The following GSE1 variants were observed in gnomAD, a reference collection of about 807,000 sequenced individuals.
GSE1 encodes Gse1 coiled-coil protein.
GSE1 carries 32 observed loss-of-function variants against 112.6 expected under a neutral mutation model. The observed-to-expected ratio is 0.28, with a 90% CI of 0.21 to 0.38. GSE1 has a LOEUF of 0.38. Ranked by LOEUF, GSE1 falls within the 10% of genes least tolerant of loss-of-function variation. The probability of loss-of-function intolerance (pLI) is 1.00; values close to 1 mark genes in which losing one functional copy is unlikely to be tolerated. For missense variants in GSE1, 2,348 were observed against 1,699.2 expected (o/e 1.38, Z -6.71); for synonymous variants, 1,115 against 735.6 (o/e 1.52, Z -8.35).
rs1306036270 is a variant in GSE1, at chr16:85,674,641, A to G, written c.*2102A>G. ...GATGCTTTTGGAAATGGCCTTGGCTAAAGTAAAAGGGAAAAGTAGATCCGA... is the reference window on the plus strand; with the variant it reads ...GATGCTTTTGGAAATGGCCTTGGCTGAAGTAAAAGGGAAAAGTAGATCCGA... On this transcript the variant is annotated 3_prime_UTR_variant, in exon 16 of 16. Transcript: ENST00000253458. 2 of 152,266 alleles carry G rather than the reference A, an allele frequency of 1.3e-5. No individual in the cohort carries two copies. The highest frequency in any genetic ancestry group is 2.9e-5 in the Non-Finnish European group (2 of 68,050). 9.4% of individuals were successfully genotyped at this position (152,266 alleles called of 1,614,324 possible). A position where few individuals can be genotyped will look rare whatever the true frequency, so the allele number is the denominator to read the frequency against.
At chr16:85,301,151 GTGGT>G (rs1381889459) in intron 1 of GSE1, among the ~76,000 whole-genome samples, 1 of 152,216 alleles carries the variant, frequency 6.6e-6, no homozygotes, top group Admixed American at 6.5e-5. Context: ...TGGCGCCGTG[GTGGT>G]CAGTGTCAGG....
chr16:85,217,210 C>T (rs949384939), intron 1 of GSE1, among the ~76,000 whole-genome samples: 1 of 152,182 alleles, frequency 6.6e-6, no homozygotes, highest in South Asian at 2.1e-4. Context: ...CTTGCATAGG[C>T]GCTCAGCAAA....
chr16:85,637,665 T>A (rs2050115844), intron 2 of GSE1, among the ~76,000 whole-genome samples: 1 of 152,240 alleles, frequency 6.6e-6, no homozygotes, highest in South Asian at 2.1e-4. Flanking sequence ...TCCCACGTTG[T>A]AAGTGGCATG....
chr16:85,277,815 A>G (rs1597265689), intron 1 of GSE1, among the ~76,000 whole-genome samples: 2 of 152,288 alleles, frequency 1.3e-5, no homozygotes, highest in Admixed American at 1.3e-4. Flanking sequence ...CCTCTGTGCC[A>G]TCCATGCCTG....
intron 1 of GSE1, among the ~76,000 whole-genome samples, chr16:85,251,436 C>T (rs1217504927): frequency 6.6e-6 from 1 of 152,278 alleles, no homozygotes; most frequent in Admixed American, 6.5e-5. Context: ...GGCTGAGCTG[C>T]AGCACAGTCC....
chr16:85,207,005 C>T (rs1354425937), intron 1 of GSE1, among the ~76,000 whole-genome samples: 2 of 152,176 alleles, frequency 1.3e-5, no homozygotes, highest in South Asian at 2.1e-4. Context: ...GGGCTGGCCT[C>T]GCAGTGACAT....
intron 2 of GSE1, among the ~76,000 whole-genome samples, chr16:85,634,922 C>G (rs1312511115): frequency 6.6e-6 from 1 of 152,020 alleles, no homozygotes; most frequent in African/African-American, 2.4e-5. Flanking sequence ...ATTCTGGCCT[C>G]GGACACCCTC....
At chr16:85,304,237 G>T (rs1452510700) in intron 1 of GSE1, among the ~76,000 whole-genome samples, 1 of 152,226 alleles carries the variant, frequency 6.6e-6, no homozygotes, top group Admixed American at 6.5e-5. Flanking sequence ...CCAGGAAAAG[G>T]AAGGGATCGA....
intron 1 of GSE1, among the ~76,000 whole-genome samples, chr16:85,298,090 G>C (rs189095120): frequency 8.1e-4 from 123 of 152,324 alleles, no homozygotes; most frequent in African/African-American, 2.8e-3. Flanking sequence ...GACACCCAGA[G>C]CTTCTCAAAC....
exon 2 of GSE1, chr16:85,357,538 C>G: frequency 7.8e-7 from 1 of 1,282,062 alleles, no homozygotes; most frequent in Non-Finnish European, 1.0e-6. Context: ...GCCACGCGCC[C>G]CCACGGAGAC....
At chr16:85,382,797 TGC>T (rs1163697425) in intron 2 of GSE1, among the ~76,000 whole-genome samples, 2 of 146,670 alleles carry the variant, frequency 1.4e-5, no homozygotes, top group African/African-American at 5.3e-5. Context: ...ACACAACACA[TGC>T]ACACACACTC....
At chr16:85,529,906 C>G (rs1405456994) in intron 2 of GSE1, among the ~76,000 whole-genome samples, 2 of 152,194 alleles carry the variant, frequency 1.3e-5, no homozygotes, top group Non-Finnish European at 2.9e-5. Context: ...CTGTAGGGCA[C>G]CTTGCTGCAC....
intron 1 of GSE1, among the ~76,000 whole-genome samples, chr16:85,288,999 G>C (rs964778128): frequency 3.3e-5 from 5 of 152,216 alleles, no homozygotes; most frequent in African/African-American, 1.2e-4. Context: ...GCTCTCCTGA[G>C]CCTCGGCCAC....
At chr16:85,173,165 G>A (rs151319620) in intron 1 of GSE1, among the ~76,000 whole-genome samples, 5 of 152,340 alleles carry the variant, frequency 3.3e-5, no homozygotes, top group South Asian at 2.1e-4. Flanking sequence ...ACAAGTTTTG[G>A]AGCAAGACTG....
chr16:85,521,473 C>T (rs540507679), intron 2 of GSE1, among the ~76,000 whole-genome samples: 2 of 152,338 alleles, frequency 1.3e-5, no homozygotes, highest in East Asian at 1.9e-4. Context: ...GTCCAGGGCC[C>T]AGCCTGCGGG....
At chr16:85,663,155 C>G in intron 10 of GSE1, 62 bp downstream of exon 10, 2 of 1,282,878 alleles carry the variant, frequency 1.6e-6, no homozygotes, top group Non-Finnish European at 2.3e-6. Flanking sequence ...AGCGTCCACA[C>G]CCTGCAGTCC....
intron 2 of GSE1, among the ~76,000 whole-genome samples, chr16:85,644,537 C>T (rs915906653): frequency 6.6e-6 from 1 of 152,102 alleles, no homozygotes; most frequent in Admixed American, 6.5e-5. Context: ...CGTGAAGACA[C>T]GGCTCCCAGT....
In GSE1 at chr16:85,564,344, C is replaced by T. The variant is rs770668111; in HGVS notation, c.37+7981C>T. Among the ~76,000 whole-genome samples the T allele has an allele frequency of 3.4e-4, 52 of 151,940 alleles. 1 individual carries two copies. The highest frequency in any genetic ancestry group is 1.1e-3 in the Admixed American group (17 of 15,274). Reference sequence around the variant, plus strand: ...CACATTAGGTTCATGTCAGGTGTGCCGGGAGCTGGGCATGGGGCCATCCCT... The same window carrying T: ...CACATTAGGTTCATGTCAGGTGTGCTGGGAGCTGGGCATGGGGCCATCCCT... On this transcript the variant is annotated intron_variant, in intron 1 of 2. Transcript: ENST00000635906.
chr16:85,575,539 A>G (rs1184714752), intron 1 of GSE1, among the ~76,000 whole-genome samples: 2 of 150,718 alleles, frequency 1.3e-5, no homozygotes, highest in Non-Finnish European at 3.0e-5. Flanking sequence ...TTTTATTTTT[A>G]TTTTTTCACT....
Sources: gnomAD v4.1 joint callset for allele counts (sites outside exome capture counted in the v4.1 genomes callset) on GRCh38, gnomAD v4.1.1 for gene constraint, MANE v1.5 for transcripts, NCBI Gene and HGNC (gene_info 2026-07-23, HGNC 2026-07-21) for gene names.